STK3: variants seen among roughly 807,000 people sequenced by gnomAD.
The protein encoded by STK3 is serine/threonine-protein kinase 3.
Under a neutral mutation model 58.0 loss-of-function variants are expected in STK3, and 41 were observed. The ratio of observed to expected loss-of-function variants is 0.71; its 90% CI spans 0.55 to 0.92. STK3 has a LOEUF of 0.92. Ranked by LOEUF, STK3 falls within the 40% of genes least tolerant of loss-of-function variation. STK3 has a pLI of 0.00. For missense variants in STK3, 479 were observed against 602.7 expected, an observed-to-expected ratio of 0.79 and a Z score of 2.15; for synonymous variants, 170 against 191.0, an observed-to-expected ratio of 0.89 and a Z score of 0.91.
chr8:98,867,034 A>T (rs1239344612), intron 3 of STK3, among the ~76,000 whole-genome samples: 2 of 151,962 alleles, frequency 1.3e-5, no homozygotes, highest in Admixed American at 1.3e-4. Flanking sequence ...TGAAAGGGTG[A>T]TCTGGGCAGC....
At chr8:98,450,886 G>T (rs947870036), downstream of STK3, among the ~76,000 whole-genome samples, 1 of 152,130 alleles carries the variant, frequency 6.6e-6, no homozygotes, top group African/African-American at 2.4e-5. Context: ...ACATTCTAAA[G>T]CTAGACCTCC....
intron 10 of STK3, among the ~76,000 whole-genome samples, chr8:98,492,092 C>T (rs1822744448): frequency 6.6e-6 from 1 of 152,168 alleles, no homozygotes; most frequent in Non-Finnish European, 1.5e-5. Context: ...GAAATCAGTA[C>T]ATCATTCGTT....
At chr8:98,394,558 G>A (rs1817880995) in intron 3 of STK3, among the ~76,000 whole-genome samples, 1 of 152,132 alleles carries the variant, frequency 6.6e-6, no homozygotes, top group Non-Finnish European at 1.5e-5. Flanking sequence ...GAAAGTTTCA[G>A]CAGATTTGTT....
At chr8:98,647,068 C>CT (rs1820455004) in intron 6 of STK3, among the ~76,000 whole-genome samples, 1 of 152,186 alleles carries the variant, frequency 6.6e-6, no homozygotes, top group Admixed American at 6.5e-5. Context: ...CCCTTACTTC[C>CT]TGTCTTTCTC....
chr8:98,498,833 T>C (rs980953695), intron 10 of STK3, among the ~76,000 whole-genome samples: 4 of 152,172 alleles, frequency 2.6e-5, no homozygotes, highest in African/African-American at 7.2e-5. Context: ...AATCTCTCAA[T>C]GTTAGAGTGC....
At chr8:98,420,860 T>C (rs1486152469) in intron 3 of STK3, among the ~76,000 whole-genome samples, 1 of 152,254 alleles carries the variant, frequency 6.6e-6, no homozygotes, top group East Asian at 1.9e-4. Flanking sequence ...CCTTGGTATA[T>C]AGCTCTTTAA....
intron 3 of STK3, among the ~76,000 whole-genome samples, chr8:98,426,262 C>T (rs1048173887): frequency 7.9e-5 from 12 of 152,218 alleles, no homozygotes; most frequent in Non-Finnish European, 1.8e-4. Flanking sequence ...CCATGCCACA[C>T]ACTGCGCTGA....
chr8:98,924,003 A>C (rs1045877355), intron 1 of STK3, among the ~76,000 whole-genome samples: 1 of 152,208 alleles, frequency 6.6e-6, no homozygotes, highest in African/African-American at 2.4e-5. Flanking sequence ...AAAGAAAAGA[A>C]AAACCATAGC....
chr8:98,680,984 T>TC (rs1320857092), intron 6 of STK3, among the ~76,000 whole-genome samples: 13 of 148,404 alleles, frequency 8.8e-5, no homozygotes, highest in Non-Finnish European at 1.5e-4. Flanking sequence ...CACCTTTCTT[T>TC]TTTTTTTTTT....
Position 98,454,770 on chromosome 8 carries a change from A to G in STK3, c.*1072T>C, listed in dbSNP as rs555414575. On this transcript the variant is annotated 3_prime_UTR_variant, in exon 11 of 11. Transcript: ENST00000419617. Reference sequence around the variant, plus strand: ...TCCCAATGCAATCATATAAATGTTCATTCAGCGTAAAAATGAGTTTCTTTT... The same window carrying G: ...TCCCAATGCAATCATATAAATGTTCGTTCAGCGTAAAAATGAGTTTCTTTT... 1 of 152,696 alleles carries G rather than the reference A, an allele frequency of 6.5e-6. No homozygotes were observed. Among genetic ancestry groups the G allele is most frequent in the South Asian group, 2.1e-4 (1 of 4,818 alleles). The allele number at this position is 152,696 out of a possible 1,614,324, so 9.5% of individuals were successfully genotyped here.
rs561168438 is a variant in STK3 at position 98,895,006 on chromosome 8, C to T, written c.-78-11172G>A. On this transcript the variant is annotated intron_variant, in intron 1 of 1. Transcript: ENST00000519420. ...TGGGGATTCTAGATATTTTAAATAA[C>T]TAACTATGATGCAATGGGATAAATA... 2.6e-5 allele frequency among the ~76,000 whole-genome samples: 4 copies of T among 152,196 alleles called. No homozygotes were observed. In the East Asian group the frequency reaches 7.7e-4, roughly 29 times the overall value.
At chr8:98,683,947 T>G (rs1054083937) in intron 6 of STK3, among the ~76,000 whole-genome samples, 1 of 152,176 alleles carries the variant, frequency 6.6e-6, no homozygotes, top group Non-Finnish European at 1.5e-5. Context: ...GAGTTATTAT[T>G]TTCATTTGAT....
the STK3 span, among the ~76,000 whole-genome samples, chr8:98,352,713 C>T: frequency 6.6e-6 from 1 of 152,312 alleles, no homozygotes; most frequent in South Asian, 2.1e-4. Context: ...GTTTTCTCAT[C>T]CCTAGCAGAC....
chr8:98,372,395 A>G (rs1420591974), intron 2 of STK3, among the ~76,000 whole-genome samples: 1 of 152,192 alleles, frequency 6.6e-6, no homozygotes, highest in African/African-American at 2.4e-5. Context: ...CGCAGACTCC[A>G]ACAGCCAGGA....
chr8:98,893,525 AAAG>A (rs1838332638), intron 1 of STK3, among the ~76,000 whole-genome samples: 1 of 150,708 alleles, frequency 6.6e-6, no homozygotes, highest in South Asian at 2.1e-4. Flanking sequence ...AGAAAGAAAG[AAAG>A]AAAGAAAGAA....
intron 10 of STK3, among the ~76,000 whole-genome samples, chr8:98,507,785 G>T (rs1428917032): frequency 1.3e-5 from 2 of 151,996 alleles, no homozygotes; most frequent in Non-Finnish European, 2.9e-5. Context: ...GTCTTTGCTG[G>T]TCCCTCTACT....
At chr8:98,869,460 A>G (rs1837284987) in intron 3 of STK3, among the ~76,000 whole-genome samples, 1 of 152,172 alleles carries the variant, frequency 6.6e-6, no homozygotes, top group South Asian at 2.1e-4. Flanking sequence ...AAGAATCTCT[A>G]GATGTAATCA....
intron 9 of STK3, among the ~76,000 whole-genome samples, chr8:98,547,723 G>A (rs1267012214): frequency 2.0e-5 from 3 of 152,230 alleles, no homozygotes; most frequent in Middle Eastern, 6.8e-3. Flanking sequence ...AAATTAAGCC[G>A]TGGGTTAGCA....
intron 4 of STK3, chr8:98,722,956 T>C (rs1460452840): frequency 4.3e-6 from 2 of 469,792 alleles, no homozygotes; most frequent in Non-Finnish European, 8.3e-6. Context: ...TTCAGTGGTA[T>C]CTGTTAAGAA....
Sources: gnomAD v4.1 joint callset for allele counts (sites outside exome capture counted in the v4.1 genomes callset) on GRCh38, gnomAD v4.1.1 for gene constraint, MANE v1.5 for transcripts, NCBI Gene and HGNC (gene_info 2026-07-23, HGNC 2026-07-21) for gene names.